CFAP299: variants seen among roughly 807,000 people sequenced by gnomAD.
The protein encoded by CFAP299 is cilia and flagella associated protein 299, also known as cilia- and flagella-associated protein 299.
In CFAP299, 21 loss-of-function variants were observed where a neutral mutation model predicts 27.0. The observed-to-expected ratio is 0.78, with a 90% CI of 0.55 to 1.12. CFAP299 has a LOEUF of 1.12. Among genes scored for constraint, CFAP299 ranks in the 50% most tolerant of loss-of-function variants. CFAP299 has a pLI of 0.00. For synonymous variants in CFAP299, 104 were observed against 98.1 expected (o/e 1.06, Z -0.36); for missense variants, 310 against 276.6 (o/e 1.12, Z -0.86).
intron 2 of CFAP299, among the ~76,000 whole-genome samples, chr4:80,494,101 G>T (rs1359024906): frequency 2.0e-5 from 3 of 152,142 alleles, no homozygotes; most frequent in Non-Finnish European, 4.4e-5. Flanking sequence ...GAAGTTAGCA[G>T]AGTGAATCCC....
intron 2 of CFAP299, among the ~76,000 whole-genome samples, chr4:80,372,744 A>G (rs755361066): frequency 6.6e-6 from 1 of 152,192 alleles, no homozygotes; most frequent in Non-Finnish European, 1.5e-5. Context: ...GAATCAATCA[A>G]TGTGAAGTTC....
At chr4:80,583,922 A>G (rs1736300880) in intron 3 of CFAP299, among the ~76,000 whole-genome samples, 1 of 151,988 alleles carries the variant, frequency 6.6e-6, no homozygotes, top group African/African-American at 2.4e-5. Flanking sequence ...AAATATGTAT[A>G]TAAGGAGATC....
intron 3 of CFAP299, among the ~76,000 whole-genome samples, chr4:80,597,186 G>A (rs75813498): frequency 2.0e-5 from 3 of 152,068 alleles, no homozygotes; most frequent in African/African-American, 7.2e-5. Context: ...TAAATTCGGA[G>A]CAACTGTGTA....
chr4:80,650,736 G>A (rs1315657076), intron 3 of CFAP299, among the ~76,000 whole-genome samples: 1 of 152,070 alleles, frequency 6.6e-6, no homozygotes, highest in Non-Finnish European at 1.5e-5. Flanking sequence ...ATCCTAAGTA[G>A]TATCTTTGTT....
At chr4:80,515,159 A>G (rs749578293) in intron 2 of CFAP299, among the ~76,000 whole-genome samples, 10 of 152,192 alleles carry the variant, frequency 6.6e-5, no homozygotes, top group Middle Eastern at 3.2e-3. Flanking sequence ...CCAAGCATCA[A>G]TTATTTCCAT....
chr4:80,843,024 T>C (rs960835136), intron 3 of CFAP299, among the ~76,000 whole-genome samples: 1 of 151,864 alleles, frequency 6.6e-6, no homozygotes, highest in Non-Finnish European at 1.5e-5. Context: ...ATCTTTTCAC[T>C]ATTTCCTATG....
At chr4:80,725,571 A>G (rs1176864834) in intron 3 of CFAP299, among the ~76,000 whole-genome samples, 1 of 152,152 alleles carries the variant, frequency 6.6e-6, no homozygotes, top group African/African-American at 2.4e-5. Flanking sequence ...TAGTTAGGCA[A>G]CTACCCCTGG....
chr4:80,801,294 G>T (rs1728581269), intron 3 of CFAP299, among the ~76,000 whole-genome samples: 1 of 151,590 alleles, frequency 6.6e-6, no homozygotes, highest in South Asian at 2.1e-4. Flanking sequence ...ACCTGCAAGG[G>T]GTTATCCACA....
chr4:80,948,598 A>G (rs1334849872), intron 5 of CFAP299, among the ~76,000 whole-genome samples: 2 of 152,078 alleles, frequency 1.3e-5, no homozygotes, highest in African/African-American at 4.8e-5. Context: ...GAGTCTTACC[A>G]TAGCATAAGT....
intron 3 of CFAP299, among the ~76,000 whole-genome samples, chr4:80,662,872 G>A (rs1339089203): frequency 6.6e-6 from 1 of 150,432 alleles, no homozygotes; most frequent in Non-Finnish European, 1.5e-5. Context: ...AGCTGCTCTT[G>A]AGCCTTATGG....
intron 4 of CFAP299, among the ~76,000 whole-genome samples, chr4:80,896,271 G>A (rs1734604729): frequency 1.3e-5 from 2 of 152,050 alleles, no homozygotes; most frequent in South Asian, 4.1e-4. Flanking sequence ...TGGTTATTTT[G>A]TAATACACAT....
intron 3 of CFAP299, among the ~76,000 whole-genome samples, chr4:80,651,113 A>T (rs909950743): frequency 6.6e-6 from 1 of 151,992 alleles, no homozygotes; most frequent in Non-Finnish European, 1.5e-5. Flanking sequence ...CTTTTCTGTT[A>T]ATTTATACAG....
chr4:80,560,952 G>A (rs2110221205), intron 2 of CFAP299, among the ~76,000 whole-genome samples: 1 of 152,226 alleles, frequency 6.6e-6, no homozygotes, highest in African/African-American at 2.4e-5. Context: ...GTAGAGCTCT[G>A]AGGTCTTGAG....
chr4:80,950,172 G>GGA (rs942154444), intron 5 of CFAP299, among the ~76,000 whole-genome samples: 2 of 152,102 alleles, frequency 1.3e-5, no homozygotes, highest in African/African-American at 4.8e-5. Context: ...GTGTGAGAGA[G>GGA]GAGAGAGACA....
chr4:80,493,694 A>T (rs6826104), intron 2 of CFAP299, among the ~76,000 whole-genome samples: 40,922 of 151,552 alleles, frequency 0.27, 8,261 homozygotes, highest in African/African-American at 0.56. Context: ...AGACTACTCA[A>T]ACGCTAGTGA....
chr4:80,705,759 C>G (rs1205810610), intron 3 of CFAP299, among the ~76,000 whole-genome samples: 1 of 151,862 alleles, frequency 6.6e-6, no homozygotes, highest in East Asian at 1.9e-4. Flanking sequence ...ACCTAATTAT[C>G]TAACAATTGG....
At chr4:80,533,602 G>T (rs994919120) in intron 2 of CFAP299, among the ~76,000 whole-genome samples, 5 of 152,108 alleles carry the variant, frequency 3.3e-5, no homozygotes, top group African/African-American at 1.2e-4. Context: ...AAAATTGTAT[G>T]CACTAAATAT....
At chr4:80,581,376 G>A (rs1042895611) in intron 2 of CFAP299, among the ~76,000 whole-genome samples, 1 of 145,802 alleles carries the variant, frequency 6.9e-6, no homozygotes, top group Non-Finnish European at 1.5e-5. Context: ...TCTCTCCTTT[G>A]GTACTAATTA....
At chr4:80,451,334 A>G (rs550499592) in intron 2 of CFAP299, among the ~76,000 whole-genome samples, 56 of 152,302 alleles carry the variant, frequency 3.7e-4, no homozygotes, top group Non-Finnish European at 6.5e-4. Context: ...TTACAACTTT[A>G]TTTAATAATT....
Sources: allele counts gnomAD v4.1 joint callset (sites outside exome capture counted in the v4.1 genomes callset), GRCh38; gene constraint gnomAD v4.1.1; transcripts MANE v1.5; gene names NCBI Gene and HGNC (gene_info 2026-07-23, HGNC 2026-07-21).